FILIP1L: variants seen among roughly 807,000 people sequenced by gnomAD.
The protein encoded by FILIP1L is filamin A interacting protein 1 like.
Under a neutral mutation model 96.6 loss-of-function variants are expected in FILIP1L, and 55 were observed. That is an observed-to-expected ratio of 0.57 (90% CI 0.46 to 0.71). FILIP1L has a LOEUF of 0.71. Ranked by LOEUF, FILIP1L falls within the 30% of genes least tolerant of loss-of-function variation. The probability of loss-of-function intolerance (pLI) is 0.00; values close to 1 mark genes in which losing one functional copy is unlikely to be tolerated. For synonymous variants in FILIP1L, 467 were observed against 473.9 expected (o/e 0.99, Z 0.19); for missense variants, 1,304 against 1,321.2 (o/e 0.99, Z 0.20).
intron 4 of FILIP1L, among the ~76,000 whole-genome samples, chr3:99,919,208 T>G (rs1303546548): frequency 6.6e-6 from 1 of 152,080 alleles, no homozygotes; most frequent in Non-Finnish European, 1.5e-5. Flanking sequence ...GTTTATTGAT[T>G]TCTCCTGAAT....
chr3:100,029,937 C>T (rs574057938), intron 1 of FILIP1L, among the ~76,000 whole-genome samples: 3 of 152,072 alleles, frequency 2.0e-5, no homozygotes, highest in Admixed American at 2.0e-4. Context: ...TTAGAAGCAG[C>T]CCAGGTGTGA....
chr3:99,971,812 G>A (rs992846872), intron 1 of FILIP1L, among the ~76,000 whole-genome samples: 1 of 152,182 alleles, frequency 6.6e-6, no homozygotes. Flanking sequence ...TCGGTTCCTA[G>A]CTTGAATGAA....
intron 1 of FILIP1L, among the ~76,000 whole-genome samples, chr3:100,085,237 A>G (rs2065989598): frequency 2.0e-5 from 3 of 152,346 alleles, no homozygotes; most frequent in Non-Finnish European, 2.9e-5. Context: ...AGAAGAGAAC[A>G]TTAATATTTT....
intron 4 of FILIP1L, among the ~76,000 whole-genome samples, chr3:99,902,188 G>C (rs899617455): frequency 6.6e-6 from 1 of 152,248 alleles, no homozygotes; most frequent in Non-Finnish European, 1.5e-5. Flanking sequence ...CTGACTCTTA[G>C]TATTCGAGAC....
At chr3:99,935,441 C>G (rs2107668789) in intron 1 of FILIP1L, among the ~76,000 whole-genome samples, 1 of 152,138 alleles carries the variant, frequency 6.6e-6, no homozygotes, top group East Asian at 1.9e-4. Context: ...AGAACGATAA[C>G]CTTCAGGAGT....
intron 1 of FILIP1L, among the ~76,000 whole-genome samples, chr3:99,985,619 C>T (rs1186502358): frequency 1.3e-5 from 2 of 150,536 alleles, no homozygotes; most frequent in African/African-American, 4.9e-5. Flanking sequence ...GATAGAGTCT[C>T]GCTCTGTTGC....
At chr3:100,005,598 A>G (rs530442792) in intron 1 of FILIP1L, among the ~76,000 whole-genome samples, 174 of 152,364 alleles carry the variant, frequency 1.1e-3, no homozygotes, top group South Asian at 1.2e-3. Flanking sequence ...ATTGAATTCC[A>G]ATGATTCTAA....
At chr3:99,972,444 A>T (rs542925212) in intron 1 of FILIP1L, among the ~76,000 whole-genome samples, 1 of 152,174 alleles carries the variant, frequency 6.6e-6, no homozygotes, top group Non-Finnish European at 1.5e-5. Context: ...CCCCGTCCCC[A>T]TTTGAGTAAG....
At chr3:99,991,392 T>C (rs1433808385) in intron 1 of FILIP1L, among the ~76,000 whole-genome samples, 1 of 152,228 alleles carries the variant, frequency 6.6e-6, no homozygotes, top group African/African-American at 2.4e-5. Context: ...GGTATATTCC[T>C]ATTGTTGAAA....
intron 1 of FILIP1L, among the ~76,000 whole-genome samples, chr3:100,017,257 C>T (rs1365448298): frequency 6.6e-6 from 1 of 152,178 alleles, no homozygotes; most frequent in East Asian, 1.9e-4. Context: ...GTCCATTATA[C>T]AGAGCGGAAA....
chr3:100,042,346 C>A (rs1026554643), intron 1 of FILIP1L, among the ~76,000 whole-genome samples: 5 of 150,778 alleles, frequency 3.3e-5, no homozygotes, highest in Non-Finnish European at 6.0e-5. Flanking sequence ...AACAAAAAAA[C>A]ATTGGCTCTG....
intron 1 of FILIP1L, among the ~76,000 whole-genome samples, chr3:100,050,492 A>G (rs1337582221): frequency 6.6e-6 from 1 of 152,122 alleles, no homozygotes; most frequent in Non-Finnish European, 1.5e-5. Flanking sequence ...CTGTTTTTTT[A>G]GAGGCATCTC....
At chr3:99,938,645 G>T (rs1049565287) in intron 1 of FILIP1L, among the ~76,000 whole-genome samples, 3 of 152,164 alleles carry the variant, frequency 2.0e-5, no homozygotes, top group African/African-American at 4.8e-5. Context: ...GATGTATTAA[G>T]ATTATGGGGT....
intron 4 of FILIP1L, among the ~76,000 whole-genome samples, chr3:99,872,593 A>G (rs1944856447): frequency 6.6e-6 from 1 of 151,890 alleles, no homozygotes; most frequent in Admixed American, 6.6e-5. Flanking sequence ...CAAACACATC[A>G]TTCCCCAAGC....
chr3:100,062,492 CA>C, intron 1 of FILIP1L, among the ~76,000 whole-genome samples: 1 of 152,108 alleles, frequency 6.6e-6, no homozygotes, highest in Non-Finnish European at 1.5e-5. Context: ...CTGTGTTATG[CA>C]TGCCTTGCAG....
At chr3:99,921,661 A>G (rs1198950314) in intron 4 of FILIP1L, among the ~76,000 whole-genome samples, 2 of 152,214 alleles carry the variant, frequency 1.3e-5, no homozygotes, top group African/African-American at 2.4e-5. Flanking sequence ...CTTCTTGTTA[A>G]TGGCATGTTC....
intron 1 of FILIP1L, among the ~76,000 whole-genome samples, chr3:99,940,948 T>C (rs544111579): frequency 1.3e-5 from 2 of 152,346 alleles, no homozygotes; most frequent in South Asian, 4.1e-4. Flanking sequence ...TTGCAACTCT[T>C]AAAGCGCCTT....
chr3:99,860,165 A>G (rs1320191907), intron 4 of FILIP1L, among the ~76,000 whole-genome samples: 1 of 152,188 alleles, frequency 6.6e-6, no homozygotes, highest in East Asian at 1.9e-4. Flanking sequence ...ATTTGGGTTA[A>G]TACTATTTTC....
intron 5 of FILIP1L, among the ~76,000 whole-genome samples, chr3:99,842,679 G>A (rs2107508711): frequency 6.6e-6 from 1 of 152,316 alleles, no homozygotes; most frequent in African/African-American, 2.4e-5. Flanking sequence ...TTTTGACAAT[G>A]AAATTTTAAA....
Sources: allele counts gnomAD v4.1 joint callset (sites outside exome capture counted in the v4.1 genomes callset), GRCh38; gene constraint gnomAD v4.1.1; transcripts MANE v1.5; gene names NCBI Gene and HGNC (gene_info 2026-07-23, HGNC 2026-07-21).